HDAC5: variants seen among roughly 807,000 people sequenced by gnomAD.
The protein encoded by HDAC5 is histone deacetylase 5, also known as antigen NY-CO-9.
In HDAC5, 25 loss-of-function variants were observed where a neutral mutation model predicts 133.3. That is an observed-to-expected ratio of 0.19 (90% CI 0.14 to 0.26). HDAC5 has a LOEUF of 0.26. Ranked by LOEUF, HDAC5 falls within the 10% of genes least tolerant of loss-of-function variation. HDAC5 has a pLI of 1.00. For missense variants in HDAC5, 1,041 were observed against 1,460.5 expected, an observed-to-expected ratio of 0.71 and a Z score of 4.68; for synonymous variants, 589 against 610.8, an observed-to-expected ratio of 0.96 and a Z score of 0.53.
At position 44,077,945 on chromosome 17, in the gene HDAC5, T is replaced by C. The variant is rs1294340730; in HGVS notation, c.*431A>G. Reference sequence around the variant, plus strand: ...GTAGTGGATCCTCCAGATCCTCCCCTGAGGCTGGAGAAGGGAGGAGAGTGA... The same window carrying C: ...GTAGTGGATCCTCCAGATCCTCCCCCGAGGCTGGAGAAGGGAGGAGAGTGA... On this transcript the variant is annotated 3_prime_UTR_variant, in exon 27 of 27. Transcript: ENST00000682912. 6.3e-6 allele frequency: 1 copy of C among 159,462 alleles called. No individual in the cohort carries two copies. Among genetic ancestry groups the C allele is most frequent in the Non-Finnish European group, 1.4e-5 (1 of 72,804 alleles). The allele number at this position is 159,462 out of a possible 1,614,324, so 9.9% of individuals were successfully genotyped here.
chr17:44,088,648 G>A, intron 11 of HDAC5, 50 bp from the exon 12 acceptor site: 1 of 1,580,634 alleles, frequency 6.3e-7, no homozygotes, highest in East Asian at 2.3e-5. Flanking sequence ...GCACCTGACT[G>A]CCCTCCCACC....
chr17:44,091,531 T>C (rs201559897), intron 10 of HDAC5, 39 bp from the exon 11 acceptor site: 1 of 1,525,066 alleles, frequency 6.6e-7, no homozygotes. Flanking sequence ...GCCTCAGTCC[T>C]GCCAACTTTG....
intron 5 of HDAC5, 32 bp downstream of exon 5, chr17:44,093,282 G>A: frequency 6.3e-7 from 1 of 1,581,032 alleles, no homozygotes; most frequent in Non-Finnish European, 8.6e-7. Flanking sequence ...CACGGGCGGG[G>A]CCCTACGAGG....
chr17:44,110,901 G>T, intron 2 of HDAC5, 101 bp from the exon 3 acceptor site: 2 of 1,004,666 alleles, frequency 2.0e-6, no homozygotes, highest in Non-Finnish European at 3.0e-6. Flanking sequence ...GGCCGCCAGA[G>T]GCGGGGAGCA....
chr17:44,078,951 C>G (rs1321538708), intron 24 of HDAC5, 72 bp from the exon 25 acceptor site: 1 of 1,549,780 alleles, frequency 6.5e-7, no homozygotes, highest in Non-Finnish European at 8.9e-7. Flanking sequence ...AACTGCCCCA[C>G]TCAGCCCCAG....
At position 44,093,562 on chromosome 17, in the gene HDAC5, C is replaced by A; in HGVS notation, c.354+13G>T. On this transcript the variant is annotated intron_variant, in intron 4 of 26. Coordinates refer to ENST00000682912, the MANE Select transcript of HDAC5 (RefSeq NM_005474.5). ...CGGAGGTCTGGGCGGCCCCCCGCAC[C>A]CCCCTCGCTCACCTTGAGGTGCTTC... is the stretch of plus-strand genomic sequence containing the variant. 6.3e-7 allele frequency: 1 copy of A among 1,599,668 alleles called. No homozygotes were observed. Among genetic ancestry groups the A allele is most frequent in the Non-Finnish European group, 8.5e-7 (1 of 1,171,336 alleles).
rs765402187 is a variant in HDAC5 at position 44,079,195 on chromosome 17, G to A, written c.3027C>T (p.Thr1009=). Residue 1009 remains threonine, a synonymous_variant, in exon 24 of 27, where the codon ACC becomes ACT. Transcript: ENST00000682912. The stretch of plus-strand genomic sequence containing the variant: ...AAGCCTCAGAGGCATCACAGATGGC[G>A]GTCAAGTCATGGCCTCCCTCCAGGG... ...VLALEGGHDL[T]AICDASEACV... 19 of 1,612,990 alleles carry A rather than the reference G, an allele frequency of 1.2e-5. No individual in the cohort carries two copies. Among genetic ancestry groups the A allele is most frequent in the South Asian group, 2.2e-5 (2 of 91,030 alleles).
intron 1 of HDAC5, among the ~76,000 whole-genome samples, chr17:44,118,980 A>G (rs922729990): frequency 6.6e-6 from 1 of 152,160 alleles, no homozygotes; most frequent in Non-Finnish European, 1.5e-5. Context: ...ATGAACACAC[A>G]TGCGCATGCA....
chr17:44,092,617 A>T, intron 7 of HDAC5, 59 bp downstream of exon 7: 1 of 1,542,156 alleles, frequency 6.5e-7, no homozygotes, highest in Non-Finnish European at 8.8e-7. Context: ...CACTGCCACA[A>T]GCCCACCTCT....
At chr17:44,084,445 C>T in intron 16 of HDAC5, 110 bp downstream of exon 16, 1 of 1,333,690 alleles carries the variant, frequency 7.5e-7, no homozygotes, top group Non-Finnish European at 1.0e-6. Context: ...GCAGCAATGC[C>T]CTATGCCCGT....
chr17:44,082,914 G>T, intron 18 of HDAC5, 94 bp from the exon 19 acceptor site: 6 of 1,085,966 alleles, frequency 5.5e-6, no homozygotes, highest in Non-Finnish European at 8.3e-6. Context: ...AGGCAGGGAA[G>T]TGAACACAAA....
chr17:44,109,604 A>G (rs1252906988), intron 3 of HDAC5, among the ~76,000 whole-genome samples: 2 of 152,254 alleles, frequency 1.3e-5, no homozygotes, highest in East Asian at 3.8e-4. Flanking sequence ...GCCATGTTCC[A>G]AAGATTTTTT....
At position 44,080,419 on chromosome 17, in the gene HDAC5, T is replaced by G. The variant is rs765280219; in HGVS notation, c.2807A>C (p.Glu936Ala). The G allele has an allele frequency of 6.2e-7, 1 of 1,614,038 alleles. No individual in the cohort carries two copies. The highest frequency in any genetic ancestry group is 1.1e-5 in the South Asian group (1 of 91,082). The change falls in exon 22 of 27, where the codon GAG becomes GCG. Residue 936 changes from glutamate (E) to alanine (A), a missense_variant. This residue lies in a region of HDAC5 where 174 missense variants were observed against 352.7 expected (regional missense o/e 0.49). Transcript: ENST00000682912. ...GGVDPPIGDV[E>A]YLTAFRTVVM... ...TCCCTACCTGAAGGCTGTAAGGTAC[T>G]CCACGTCTCCAATGGGGGGGTCCAC... is the stretch of plus-strand genomic sequence containing the variant.
At position 44,078,331 on chromosome 17, in the gene HDAC5, A is replaced by C. The variant is rs2144179271; in HGVS notation, c.*45T>G. On this transcript the variant is annotated 3_prime_UTR_variant, in exon 27 of 27. Transcript: ENST00000682912. Reference sequence around the variant, plus strand: ...CTTTTTGTTTTTAATAGAAAAAATAAACAAAATCACAATGGTGAAGCCCAG... The same window carrying C: ...CTTTTTGTTTTTAATAGAAAAAATACACAAAATCACAATGGTGAAGCCCAG... The C allele has an allele frequency of 6.6e-7, 1 of 1,506,072 alleles. No individual in the cohort carries two copies. Among genetic ancestry groups the C allele is most frequent in the East Asian group, 2.3e-5 (1 of 42,928 alleles). The allele number at this position is 1,506,072 out of a possible 1,614,324, so 93.3% of individuals were successfully genotyped here. A position where few individuals can be genotyped will look rare whatever the true frequency, so the allele number is the denominator to read the frequency against.
chr17:44,100,001 T>A (rs2051494603), intron 3 of HDAC5, among the ~76,000 whole-genome samples: 1 of 152,060 alleles, frequency 6.6e-6, no homozygotes, highest in African/African-American at 2.4e-5. Context: ...CCTGGTCCTC[T>A]GGGGGAGATG....
At chr17:44,107,445 T>TAAAAATAC (rs1217438011) in intron 3 of HDAC5, among the ~76,000 whole-genome samples, 1 of 151,782 alleles carries the variant, frequency 6.6e-6, no homozygotes, top group Non-Finnish European at 1.5e-5. Flanking sequence ...CCATCTCTAC[T>TAAAAATAC]AAAAATACAA....
rs1302066771 is a variant in HDAC5 at position 44,077,920 on chromosome 17, G to A, written c.*456C>T. On this transcript the variant is annotated 3_prime_UTR_variant, in exon 27 of 27. Coordinates refer to ENST00000682912, the MANE Select transcript of HDAC5 (RefSeq NM_005474.5). ...CCCTCCACTCTGCATCTTAAAGACA[G>A]TAGTGGATCCTCCAGATCCTCCCCT... The A allele has an allele frequency of 1.3e-5, 2 of 155,874 alleles. No individual in the cohort carries two copies. The highest frequency in any genetic ancestry group is 3.8e-4 in the East Asian group (2 of 5,310). The allele number at this position is 155,874 out of a possible 1,614,324, so 9.7% of individuals were successfully genotyped here.
intron 20 of HDAC5, 100 bp downstream of exon 20, chr17:44,082,485 G>A: frequency 1.1e-6 from 1 of 909,748 alleles, no homozygotes. Flanking sequence ...GAGGACGACT[G>A]GGGTGCTTGA....
In HDAC5 at chr17:44,098,718, G is replaced by A. The variant is rs148013885; in HGVS notation, c.95-4884C>T. Reference sequence around the variant, plus strand: ...ATCATGCCACTGCACTCTAGCCTGGGTGATAGAGCGAGACCCTATCTAAAA... The same window carrying A: ...ATCATGCCACTGCACTCTAGCCTGGATGATAGAGCGAGACCCTATCTAAAA... On this transcript the variant is annotated intron_variant, in intron 3 of 26. Coordinates refer to ENST00000682912, the MANE Select transcript of HDAC5 (RefSeq NM_005474.5). Among the ~76,000 whole-genome samples, 1,150 of 144,804 alleles carry A rather than the reference G, an allele frequency of 7.9e-3. 14 individuals carry two copies. The highest frequency in any genetic ancestry group is 0.028 in the African/African-American group (1,094 of 39,412). The allele number at this position is 144,804 out of a possible 152,430, so 95.0% of individuals were successfully genotyped here.
Sources: allele counts gnomAD v4.1 joint callset (sites outside exome capture counted in the v4.1 genomes callset), GRCh38; gene constraint gnomAD v4.1.1; regional missense constraint gnomAD v4.1.1; transcripts MANE v1.5; gene names NCBI Gene and HGNC (gene_info 2026-07-23, HGNC 2026-07-21).